Variants in SHOC2 observed in about 807,000 individuals in gnomAD.
The protein encoded by SHOC2 is SHOC2 leucine rich repeat scaffold protein, also known as leucine-rich repeat protein SHOC-2.
SHOC2 carries 4 observed loss-of-function variants against 50.2 expected under a neutral mutation model. The ratio of observed to expected loss-of-function variants is 0.08; its 90% CI spans 0.04 to 0.18. The LOEUF (loss-of-function observed/expected upper bound fraction) is 0.18, where lower values mean the gene tolerates loss of function less well. Among genes scored for constraint, SHOC2 ranks in the 10% least tolerant of loss-of-function variants. SHOC2 has a pLI of 1.00. For missense variants in SHOC2, 388 were observed against 669.6 expected (o/e 0.58, Z 4.64); for synonymous variants, 218 against 244.5 (o/e 0.89, Z 1.01).
intron 2 of SHOC2, among the ~76,000 whole-genome samples, chr10:110,978,839 C>T (rs1284711637): frequency 1.3e-5 from 2 of 152,196 alleles, no homozygotes; most frequent in Non-Finnish European, 2.9e-5. Flanking sequence ...GGCAGTAGGA[C>T]TCTGGCCTTC....
chr10:111,006,020 A>G (rs867844518), intron 5 of SHOC2, among the ~76,000 whole-genome samples: 4 of 151,980 alleles, frequency 2.6e-5, no homozygotes, highest in Non-Finnish European at 4.4e-5. Context: ...ATTTCTTGTT[A>G]ATCAGTCTGG....
intron 2 of SHOC2, among the ~76,000 whole-genome samples, chr10:110,981,875 T>TTATTTATTATACTC (rs1564721047): frequency 1.8e-4 from 2 of 11,128 alleles, no homozygotes; most frequent in African/African-American, 3.3e-4. Context: ...TATTTATTTT[T>TTATTTATTATACTC]TTAAGTTTTA....
At chr10:110,979,882 A>G (rs1847941863) in intron 2 of SHOC2, among the ~76,000 whole-genome samples, 1 of 10,098 alleles carries the variant, frequency 9.9e-5, no homozygotes. Flanking sequence ...GGATCAGAGA[A>G]TTTTGTTGTT....
chr10:110,925,399 G>A (rs183661435), intron 1 of SHOC2, among the ~76,000 whole-genome samples: 4 of 151,876 alleles, frequency 2.6e-5, no homozygotes, highest in African/African-American at 9.7e-5. Flanking sequence ...TATTTTTTGG[G>A]TTTTTTTGTT....
intron 3 of SHOC2, among the ~76,000 whole-genome samples, chr10:110,998,653 C>A (rs996310744): frequency 5.3e-5 from 8 of 152,052 alleles, no homozygotes; most frequent in Non-Finnish European, 1.0e-4. Context: ...GTATAGCATA[C>A]CTATGGAATA....
chr10:110,994,323 G>A (rs1248135738), intron 3 of SHOC2, among the ~76,000 whole-genome samples: 1 of 152,150 alleles, frequency 6.6e-6, no homozygotes, highest in Non-Finnish European at 1.5e-5. Context: ...ATTTTACAAG[G>A]ATGTGAGTAA....
chr10:110,965,160 C>A, intron 2 of SHOC2, 99 bp downstream of exon 2: 1 of 1,010,014 alleles, frequency 9.9e-7, no homozygotes, highest in Non-Finnish European at 1.5e-6. Context: ...TGCCTAAAAA[C>A]AGCTTATTTC....
At chr10:110,957,317 T>A (rs1847483549) in intron 1 of SHOC2, among the ~76,000 whole-genome samples, 1 of 152,210 alleles carries the variant, frequency 6.6e-6, no homozygotes, top group Admixed American at 6.5e-5. Context: ...CTCATTTCTT[T>A]ACTTCTCAAA....
chr10:110,953,703 G>GAT (rs1017872807), intron 1 of SHOC2, among the ~76,000 whole-genome samples: 18 of 150,984 alleles, frequency 1.2e-4, no homozygotes, highest in East Asian at 1.2e-3. Flanking sequence ...TTGAGAGAGA[G>GAT]ATATATATAT....
intron 4 of SHOC2, among the ~76,000 whole-genome samples, chr10:111,002,627 T>C (rs888149641): frequency 6.6e-6 from 1 of 152,208 alleles, no homozygotes; most frequent in African/African-American, 2.4e-5. Context: ...GAAATAAGGC[T>C]TAAGAGAGGT....
At chr10:110,929,225 A>T (rs987033216) in intron 1 of SHOC2, among the ~76,000 whole-genome samples, 1 of 152,214 alleles carries the variant, frequency 6.6e-6, no homozygotes, top group African/African-American at 2.4e-5. Flanking sequence ...AGCACATCTT[A>T]TGGCCATTAT....
At chr10:110,943,215 A>G (rs549589956) in intron 1 of SHOC2, among the ~76,000 whole-genome samples, 15 of 149,276 alleles carry the variant, frequency 1.0e-4, no homozygotes, top group Admixed American at 9.3e-4. Flanking sequence ...TCACTTCATG[A>G]TATTCCACAG....
chr10:110,936,798 C>G (rs1392775562), intron 1 of SHOC2: 1 of 1,140,508 alleles, frequency 8.8e-7, no homozygotes, highest in Admixed American at 1.8e-5. Flanking sequence ...TACTTCCAGC[C>G]AACCTCGTGA....
chr10:110,984,677 T>C (rs1313699312), intron 2 of SHOC2, among the ~76,000 whole-genome samples: 1 of 152,202 alleles, frequency 6.6e-6, no homozygotes, highest in Non-Finnish European at 1.5e-5. Flanking sequence ...GAAAAGGTTT[T>C]TTAAAGCTCA....
At chr10:111,007,794 A>C (rs1848497967) in intron 6 of SHOC2, 141 bp downstream of exon 6, 1 of 823,630 alleles carries the variant, frequency 1.2e-6, no homozygotes, top group Non-Finnish European at 2.0e-6. Flanking sequence ...ATACAACCCT[A>C]ATAGGATAAT....
intron 3 of SHOC2, among the ~76,000 whole-genome samples, chr10:110,992,471 A>G (rs1368650114): frequency 2.6e-5 from 4 of 152,184 alleles, no homozygotes; most frequent in African/African-American, 9.6e-5. Flanking sequence ...GCCTTCTGGT[A>G]CCTCTGGTAG....
intron 1 of SHOC2, among the ~76,000 whole-genome samples, chr10:110,929,416 G>A (rs1282915656): frequency 6.6e-6 from 1 of 152,018 alleles, no homozygotes; most frequent in Non-Finnish European, 1.5e-5. Flanking sequence ...TCATATCAAA[G>A]CTTCTGATGT....
chr10:110,930,360 G>T (rs1846867293), intron 1 of SHOC2, among the ~76,000 whole-genome samples: 2 of 151,962 alleles, frequency 1.3e-5, no homozygotes, highest in South Asian at 4.1e-4. Flanking sequence ...TTTTTTTTCT[G>T]ACAGTTTCCG....
chr10:110,964,292 C>T lies in SHOC2; in HGVS notation c.-67C>T. The T allele has an allele frequency of 6.4e-7, 1 of 1,568,340 alleles. No homozygotes were observed. The highest frequency in any genetic ancestry group is 1.2e-5 in the South Asian group (1 of 85,378). The stretch of plus-strand genomic sequence containing the variant: ...TGATTGTGTAGGATCTTTGTCTCTT[C>T]ATCTTTGAATTCAATTACTGGAAAA... On this transcript the variant is annotated 5_prime_UTR_variant, in exon 2 of 9. Coordinates refer to ENST00000369452, the MANE Select transcript of SHOC2 (RefSeq NM_007373.4). The surrounding 1 kb of genome is among the most constrained non-coding windows in gnomAD (Gnocchi z 4.9).
Sources: allele counts gnomAD v4.1 joint callset (sites outside exome capture counted in the v4.1 genomes callset), GRCh38; gene constraint gnomAD v4.1.1; non-coding constraint Gnocchi (gnomAD v3.1); transcripts MANE v1.5; gene names NCBI Gene and HGNC (gene_info 2026-07-23, HGNC 2026-07-21).